TENM2: variants seen among roughly 807,000 people sequenced by gnomAD.
TENM2 encodes the protein teneurin transmembrane protein 2.
In TENM2, 52 loss-of-function variants were observed where a neutral mutation model predicts 245.2. The observed-to-expected ratio is 0.21, with a 90% CI of 0.17 to 0.27. The LOEUF is 0.27. Ranked by LOEUF, TENM2 falls within the 10% of genes least tolerant of loss-of-function variation. The pLI, the probability that TENM2 is intolerant of heterozygous loss-of-function variation, is 1.00. For missense variants in TENM2, 3,046 were observed against 3,666.8 expected, an observed-to-expected ratio of 0.83 and a Z score of 4.37; for synonymous variants, 1,363 against 1,438.9, an observed-to-expected ratio of 0.95 and a Z score of 1.19.
chr5:167,884,407 T>C (rs1361484325), intron 3 of TENM2, among the ~76,000 whole-genome samples: 1 of 152,140 alleles, frequency 6.6e-6, no homozygotes, highest in Non-Finnish European at 1.5e-5. Context: ...AAACACTAAC[T>C]CGCTTTCCCT....
At chr5:167,427,723 GA>G (rs1763940816) in intron 2 of TENM2, among the ~76,000 whole-genome samples, 1 of 114,552 alleles carries the variant, frequency 8.7e-6, no homozygotes, top group Admixed American at 9.6e-5. Context: ...GGAAGGAAGG[GA>G]AGGAAGAAAG....
intron 5 of TENM2, among the ~76,000 whole-genome samples, chr5:168,002,784 A>G (rs756645677): frequency 1.3e-5 from 2 of 152,238 alleles, no homozygotes; most frequent in African/African-American, 4.8e-5. Flanking sequence ...ATGTACTTGA[A>G]TAGGTTCATG....
At chr5:167,349,832 T>C (rs978603965) in intron 1 of TENM2, among the ~76,000 whole-genome samples, 4 of 152,218 alleles carry the variant, frequency 2.6e-5, no homozygotes, top group Non-Finnish European at 5.9e-5. Flanking sequence ...TTTTCTTATA[T>C]ACATGAAGAC....
chr5:167,542,824 G>T (rs1772301727), intron 2 of TENM2, among the ~76,000 whole-genome samples: 1 of 152,032 alleles, frequency 6.6e-6, no homozygotes, highest in Admixed American at 6.6e-5. Context: ...ACACAAGATG[G>T]CCTGAATAAC....
At chr5:167,427,772 CGGGAAGGAAGG>C (rs1198954281) in intron 2 of TENM2, among the ~76,000 whole-genome samples, 1 of 52,278 alleles carries the variant, frequency 1.9e-5, no homozygotes, top group Non-Finnish European at 3.7e-5. Context: ...GAAGGAAGGA[CGGGAAGGAAGG>C]GAAGGAAGGG....
intron 2 of TENM2, among the ~76,000 whole-genome samples, chr5:167,875,088 C>A (rs1773305253): frequency 1.3e-5 from 2 of 152,086 alleles, no homozygotes; most frequent in Admixed American, 6.5e-5. Context: ...ATTGGTGATG[C>A]AGGGGGTGAA....
intron 1 of TENM2, among the ~76,000 whole-genome samples, chr5:167,291,065 T>A (rs1201919576): frequency 6.6e-6 from 1 of 152,174 alleles, no homozygotes; most frequent in African/African-American, 2.4e-5. Flanking sequence ...TTGGCAACTA[T>A]CTTCATGTTT....
chr5:167,434,048 C>T (rs1402941182), intron 2 of TENM2, among the ~76,000 whole-genome samples: 1 of 152,042 alleles, frequency 6.6e-6, no homozygotes, highest in Non-Finnish European at 1.5e-5. Context: ...GCATAATAAA[C>T]AGCTTACATT....
At chr5:167,976,101 A>T (rs1325036176) in intron 4 of TENM2, among the ~76,000 whole-genome samples, 1 of 152,010 alleles carries the variant, frequency 6.6e-6, no homozygotes, top group Non-Finnish European at 1.5e-5. Flanking sequence ...GTCCCCTTTA[A>T]TTTTTACACC....
chr5:167,228,727 T>C, the TENM2 span, among the ~76,000 whole-genome samples: 2 of 150,394 alleles, frequency 1.3e-5, no homozygotes, highest in Admixed American at 6.7e-5. Context: ...ATTTTTGAGA[T>C]GGAGTCTCGC....
chr5:167,285,155 G>A, intron 1 of TENM2, 92 bp downstream of exon 3: 1 of 983,350 alleles, frequency 1.0e-6, no homozygotes, highest in Non-Finnish European at 1.6e-6. Context: ...CCAGCATGGT[G>A]GTTTTTGACA....
intron 2 of TENM2, among the ~76,000 whole-genome samples, chr5:167,841,354 G>C (rs948612861): frequency 6.6e-6 from 1 of 152,154 alleles, no homozygotes; most frequent in African/African-American, 2.4e-5. Flanking sequence ...ACCACACCCT[G>C]CCGTCATTCT....
the TENM2 span, among the ~76,000 whole-genome samples, chr5:167,102,730 C>T: frequency 6.6e-6 from 1 of 152,254 alleles, no homozygotes; most frequent in Non-Finnish European, 1.5e-5. Context: ...GCAGTCTCAG[C>T]TCAGTGCAAC....
the TENM2 span, among the ~76,000 whole-genome samples, chr5:167,134,845 T>C: frequency 2.6e-5 from 4 of 152,186 alleles, no homozygotes; most frequent in African/African-American, 9.7e-5. Context: ...ACAGAGGTCT[T>C]AGTAATGGCT....
chr5:167,543,720 G>A (rs2127608536), intron 2 of TENM2, among the ~76,000 whole-genome samples: 1 of 152,284 alleles, frequency 6.6e-6, no homozygotes, highest in East Asian at 1.9e-4. Context: ...AAATCTGTAA[G>A]AGAGAATTCT....
chr5:167,716,009 G>A (rs1300331955), intron 2 of TENM2, among the ~76,000 whole-genome samples: 1 of 152,218 alleles, frequency 6.6e-6, no homozygotes, highest in Non-Finnish European at 1.5e-5. Context: ...GAAAGTGGTG[G>A]AGTTTGGAGT....
At chr5:167,919,229 A>C (rs1203361752) in intron 3 of TENM2, among the ~76,000 whole-genome samples, 2 of 152,130 alleles carry the variant, frequency 1.3e-5, no homozygotes, top group African/African-American at 2.4e-5. Context: ...ATCTCCCTCG[A>C]CACAGAGGAG....
intron 2 of TENM2, among the ~76,000 whole-genome samples, chr5:167,656,634 T>TTGTA (rs1754861134): frequency 3.9e-5 from 6 of 152,172 alleles, no homozygotes; most frequent in Admixed American, 3.3e-4. Flanking sequence ...TTGAATTTTA[T>TTGTA]CTTATTTTCA....
chr5:167,125,041 G>A, the TENM2 span, among the ~76,000 whole-genome samples: 1 of 152,148 alleles, frequency 6.6e-6, no homozygotes, highest in Non-Finnish European at 1.5e-5. Context: ...ATCAATGATA[G>A]CATCGCCTAA....
Sources: gnomAD v4.1 joint callset for allele counts (sites outside exome capture counted in the v4.1 genomes callset) on GRCh38, gnomAD v4.1.1 for gene constraint, MANE v1.5 for transcripts, NCBI Gene and HGNC (gene_info 2026-07-23, HGNC 2026-07-21) for gene names.